AUTS2: variants seen among roughly 807,000 people sequenced by gnomAD.
AUTS2 encodes autism susceptibility gene 2 protein.
AUTS2 carries 17 observed loss-of-function variants against 112.4 expected under a neutral mutation model. The observed-to-expected ratio is 0.15, with a 90% confidence interval of 0.10 to 0.23. The LOEUF (loss-of-function observed/expected upper bound fraction) is 0.23. Among genes scored for constraint, AUTS2 ranks in the 10% least tolerant of loss-of-function variants. AUTS2 has a pLI of 1.00. For missense variants in AUTS2, 1,510 were observed against 1,701.6 expected (o/e 0.89, Z 1.98); for synonymous variants, 751 against 702.7 (o/e 1.07, Z -1.09).
intron 5 of AUTS2, among the ~76,000 whole-genome samples, chr7:70,683,856 T>A (rs930823697): frequency 6.6e-6 from 1 of 152,184 alleles, no homozygotes; most frequent in Admixed American, 6.5e-5. Context: ...GCTATTGGAA[T>A]GGCCATAGTA....
intron 2 of AUTS2, among the ~76,000 whole-genome samples, chr7:70,091,220 C>T (rs572426591): frequency 4.6e-5 from 7 of 152,192 alleles, no homozygotes; most frequent in East Asian, 1.9e-4. Flanking sequence ...TATAACCTGT[C>T]ATTTTTCCCC....
chr7:69,831,454 G>T (rs978110529), intron 1 of AUTS2, among the ~76,000 whole-genome samples: 11 of 152,048 alleles, frequency 7.2e-5, no homozygotes, highest in Non-Finnish European at 1.3e-4. Context: ...TGGACTTACT[G>T]CTGCCAGTCT....
intron 1 of AUTS2, among the ~76,000 whole-genome samples, chr7:69,783,178 C>T (rs948153386): frequency 7.5e-5 from 11 of 147,542 alleles, no homozygotes; most frequent in Admixed American, 4.2e-4. Context: ...GCTCCTGTGG[C>T]TGTCTCCTTT....
intron 4 of AUTS2, among the ~76,000 whole-genome samples, chr7:70,214,948 T>C (rs1466494325): frequency 6.6e-6 from 1 of 152,186 alleles, no homozygotes; most frequent in African/African-American, 2.4e-5. Context: ...TATCCAGAAG[T>C]TTCCAAGACT....
chr7:70,743,478 A>G (rs1190586042), intron 6 of AUTS2, among the ~76,000 whole-genome samples: 1 of 151,536 alleles, frequency 6.6e-6, no homozygotes, highest in Admixed American at 6.6e-5. Context: ...CAAAAAAAAA[A>G]AAAAAAAAAA....
chr7:69,845,119 G>A (rs1396710949), intron 1 of AUTS2, among the ~76,000 whole-genome samples: 1 of 152,160 alleles, frequency 6.6e-6, no homozygotes, highest in Non-Finnish European at 1.5e-5. Flanking sequence ...TTCACCTTCA[G>A]GCTTCTGACC....
chr7:69,873,313 T>G (rs1389362084), intron 1 of AUTS2, among the ~76,000 whole-genome samples: 1 of 152,142 alleles, frequency 6.6e-6, no homozygotes, highest in Non-Finnish European at 1.5e-5. Flanking sequence ...CTGGGAAATT[T>G]AGTAACCTTA....
chr7:69,870,283 A>T (rs1360459383), intron 1 of AUTS2, among the ~76,000 whole-genome samples: 1 of 151,566 alleles, frequency 6.6e-6, no homozygotes, highest in East Asian at 1.9e-4. Flanking sequence ...TTTTTCCTTG[A>T]TGTATAACAA....
At chr7:69,856,374 G>A (rs192308604) in intron 1 of AUTS2, among the ~76,000 whole-genome samples, 16 of 152,226 alleles carry the variant, frequency 1.1e-4, no homozygotes, top group Admixed American at 8.5e-4. Flanking sequence ...CTTTAGTAAC[G>A]CATTTTCTGT....
chr7:70,483,005 T>G (rs1192623162), intron 5 of AUTS2, among the ~76,000 whole-genome samples: 1 of 152,208 alleles, frequency 6.6e-6, no homozygotes, highest in Non-Finnish European at 1.5e-5. Flanking sequence ...CTATTGAGTT[T>G]TTTATATGAA....
chr7:69,947,187 C>A (rs1314229183), intron 2 of AUTS2, among the ~76,000 whole-genome samples: 5 of 152,102 alleles, frequency 3.3e-5, no homozygotes, highest in Non-Finnish European at 7.4e-5. Flanking sequence ...CATTCTGAAC[C>A]TGAGCATTGA....
intron 6 of AUTS2, among the ~76,000 whole-genome samples, chr7:70,753,563 C>T (rs901097320): frequency 8.5e-5 from 13 of 152,120 alleles, no homozygotes; most frequent in African/African-American, 3.1e-4. Context: ...TCCTTCCATT[C>T]GTTCAAGTAA....
intron 4 of AUTS2, among the ~76,000 whole-genome samples, chr7:70,351,342 C>T (rs956327881): frequency 3.3e-5 from 5 of 152,258 alleles, no homozygotes; most frequent in African/African-American, 9.6e-5. Context: ...GCGTGAGGCA[C>T]CGCGCCCAGC....
chr7:69,610,769 C>T (rs1029400270), intron 1 of AUTS2, among the ~76,000 whole-genome samples: 1 of 152,182 alleles, frequency 6.6e-6, no homozygotes, highest in Admixed American at 6.5e-5. Flanking sequence ...ATTTCCATAT[C>T]TGTTCCATTG....
At chr7:70,558,313 G>A (rs1296146607) in intron 5 of AUTS2, among the ~76,000 whole-genome samples, 1 of 152,160 alleles carries the variant, frequency 6.6e-6, no homozygotes, top group African/African-American at 2.4e-5. Context: ...AGCAGCAACT[G>A]TTGTGGCAAG....
chr7:69,732,499 GT>G (rs1298056838), intron 1 of AUTS2, among the ~76,000 whole-genome samples: 1 of 152,046 alleles, frequency 6.6e-6, no homozygotes. Context: ...AGTCAGCATT[GT>G]TTCCCATGGA....
chr7:70,716,490 G>A (rs755713368), intron 6 of AUTS2, among the ~76,000 whole-genome samples: 7 of 151,820 alleles, frequency 4.6e-5, no homozygotes, highest in Non-Finnish European at 8.8e-5. Context: ...AAAATTAGCC[G>A]GATGTGGTGG....
intron 1 of AUTS2, among the ~76,000 whole-genome samples, chr7:69,758,721 T>C (rs1281941563): frequency 6.6e-6 from 1 of 152,210 alleles, no homozygotes; most frequent in African/African-American, 2.4e-5. Context: ...CTTTTAGTTC[T>C]TAAGGTGGTG....
chr7:69,697,695 T>C (rs868104634), intron 1 of AUTS2, among the ~76,000 whole-genome samples: 39 of 152,224 alleles, frequency 2.6e-4, no homozygotes, highest in African/African-American at 8.0e-4. Context: ...ACTGGCATTG[T>C]GAGCTCTCCA....
Sources: gnomAD v4.1 joint callset for allele counts (sites outside exome capture counted in the v4.1 genomes callset) on GRCh38, gnomAD v4.1.1 for gene constraint, MANE v1.5 for transcripts, NCBI Gene and HGNC (gene_info 2026-07-23, HGNC 2026-07-21) for gene names.